GAREM1: variants seen among roughly 807,000 people sequenced by gnomAD.
GAREM1 encodes the protein GRB2-associated and regulator of MAPK protein 1.
GAREM1 carries 26 observed loss-of-function variants against 71.3 expected under a neutral mutation model. The observed-to-expected ratio is 0.36, with a 90% CI of 0.27 to 0.51. The LOEUF is 0.51. GAREM1 is among the 20% of genes least tolerant of loss of function. The pLI is 0.95. For synonymous variants in GAREM1, 440 were observed against 433.2 expected (o/e 1.02, Z -0.20); for missense variants, 1,026 against 1,103.1 (o/e 0.93, Z 0.99).
At chr18:32,315,495 A>G (rs2047369491) in intron 2 of GAREM1, among the ~76,000 whole-genome samples, 1 of 147,576 alleles carries the variant, frequency 6.8e-6, no homozygotes, top group Non-Finnish European at 1.5e-5. Context: ...TATATAAAAT[A>G]TATAAAAAAG....
At chr18:32,388,015 T>TAGGA (rs2048164716) in intron 2 of GAREM1, among the ~76,000 whole-genome samples, 1 of 152,242 alleles carries the variant, frequency 6.6e-6, no homozygotes, top group Admixed American at 6.5e-5. Flanking sequence ...TAGGAGAGTG[T>TAGGA]AGGAGCCTTG....
chr18:32,463,787 T>C (rs1163221407), intron 1 of GAREM1, among the ~76,000 whole-genome samples: 1 of 151,858 alleles, frequency 6.6e-6, no homozygotes, highest in African/African-American at 2.4e-5. Flanking sequence ...GCCTGGATGA[T>C]CTTGATCTCC....
At chr18:32,339,079 G>A (rs965507084) in intron 2 of GAREM1, among the ~76,000 whole-genome samples, 17 of 152,134 alleles carry the variant, frequency 1.1e-4, no homozygotes, top group African/African-American at 4.1e-4. Context: ...ATAACTGTGT[G>A]AACCAATTCC....
chr18:32,280,948 A>G (rs2046945273), intron 4 of GAREM1, among the ~76,000 whole-genome samples: 1 of 152,192 alleles, frequency 6.6e-6, no homozygotes, highest in African/African-American at 2.4e-5. Flanking sequence ...TTAGTCAAGG[A>G]AAGACAGTGG....
At chr18:32,461,170 T>C (rs1359204483) in intron 1 of GAREM1, among the ~76,000 whole-genome samples, 5 of 152,208 alleles carry the variant, frequency 3.3e-5, no homozygotes, top group East Asian at 1.9e-4. Flanking sequence ...TACACTGCTG[T>C]AGTAATATAG....
rs1260540568 is a variant in GAREM1, at chr18:32,267,231, C to A, written c.*640G>T. On this transcript the variant is annotated 3_prime_UTR_variant, in exon 6 of 6. Coordinates refer to ENST00000269209, the MANE Select transcript of GAREM1 (RefSeq NM_001242409.2). ...TTTTTTCTCTGCTCAATAAAATTAGCAGCAGTTACAGATAAATTATTGTGG... is the reference window on the plus strand; with the variant it reads ...TTTTTTCTCTGCTCAATAAAATTAGAAGCAGTTACAGATAAATTATTGTGG... 1 of 152,172 alleles carries A rather than the reference C, an allele frequency of 6.6e-6. No homozygotes were observed. Among genetic ancestry groups the A allele is most frequent in the African/African-American group, 2.4e-5 (1 of 41,430 alleles). The allele number at this position is 152,172 out of a possible 1,614,324, so 9.4% of individuals were successfully genotyped here.
intron 1 of GAREM1, among the ~76,000 whole-genome samples, chr18:32,419,490 G>A (rs1157294941): frequency 2.0e-5 from 3 of 152,080 alleles, no homozygotes; most frequent in Non-Finnish European, 2.9e-5. Flanking sequence ...CAAGGAGGTT[G>A]GCAGCCTCCA....
At chr18:32,348,526 C>T (rs2047717636) in intron 2 of GAREM1, among the ~76,000 whole-genome samples, 1 of 151,932 alleles carries the variant, frequency 6.6e-6, no homozygotes, top group Non-Finnish European at 1.5e-5. Flanking sequence ...GAGTTCGAGA[C>T]CAGCCTGGCC....
chr18:32,365,718 C>T (rs968537757), intron 2 of GAREM1, among the ~76,000 whole-genome samples: 1 of 152,142 alleles, frequency 6.6e-6, no homozygotes, highest in African/African-American at 2.4e-5. Context: ...TCCAACTCTG[C>T]CACCAGCACT....
intron 2 of GAREM1, among the ~76,000 whole-genome samples, chr18:32,362,928 T>C (rs528163287): frequency 3.9e-5 from 6 of 152,208 alleles, no homozygotes; most frequent in Non-Finnish European, 8.8e-5. Flanking sequence ...AGGCTGCTCT[T>C]CCAAGGAATC....
At chr18:32,448,393 T>C (rs1006953972) in intron 1 of GAREM1, among the ~76,000 whole-genome samples, 1 of 152,184 alleles carries the variant, frequency 6.6e-6, no homozygotes, top group Non-Finnish European at 1.5e-5. Context: ...TGTGACCACA[T>C]CCCCGATCAT....
intron 3 of GAREM1, among the ~76,000 whole-genome samples, chr18:32,307,109 A>C (rs2047263622): frequency 6.6e-6 from 1 of 152,226 alleles, no homozygotes; most frequent in South Asian, 2.1e-4. Flanking sequence ...CCAGAACTAG[A>C]GTTCCCCTTT....
At chr18:32,380,876 T>C (rs996724313) in intron 2 of GAREM1, among the ~76,000 whole-genome samples, 2 of 152,082 alleles carry the variant, frequency 1.3e-5, no homozygotes, top group Non-Finnish European at 2.9e-5. Flanking sequence ...ACAAATTCCT[T>C]AATAGATGTT....
At chr18:32,270,702 C>T (rs192835867) in intron 4 of GAREM1, among the ~76,000 whole-genome samples, 16 of 152,104 alleles carry the variant, frequency 1.1e-4, no homozygotes, top group African/African-American at 3.9e-4. Context: ...GAGCTAGTGA[C>T]ATGTGAGGAT....
At chr18:32,444,339 CTCAGAGTTAAGG>C (rs2048767645) in intron 1 of GAREM1, among the ~76,000 whole-genome samples, 1 of 152,112 alleles carries the variant, frequency 6.6e-6, no homozygotes, top group Non-Finnish European at 1.5e-5. Context: ...ATAGCATGGG[CTCAGAGTTAAGG>C]GGCTCAAGTC....
At chr18:32,304,076 G>A (rs1296786679) in intron 3 of GAREM1, among the ~76,000 whole-genome samples, 2 of 152,098 alleles carry the variant, frequency 1.3e-5, no homozygotes, top group Admixed American at 6.5e-5. Flanking sequence ...GGAGGCCGAG[G>A]AGGGTGGATC....
chr18:32,280,309 G>A lies in GAREM1; in HGVS notation c.1566+6722C>T, dbSNP rs545537376. On this transcript the variant is annotated intron_variant, in intron 4 of 5. Transcript: ENST00000269209. Reference sequence around the variant, plus strand: ...ATATTTTATGGCACTTTCTTAACTTGGGCAGTCACGTGAGGCCCCTAATTC... The same window carrying A: ...ATATTTTATGGCACTTTCTTAACTTAGGCAGTCACGTGAGGCCCCTAATTC... 1.8e-4 allele frequency among the ~76,000 whole-genome samples: 27 copies of A among 152,250 alleles called. 1 individual carries two copies. In the South Asian group the frequency reaches 4.6e-3, roughly 26 times the overall value.
At chr18:32,361,793 G>T (rs1316268074) in intron 2 of GAREM1, among the ~76,000 whole-genome samples, 1 of 151,988 alleles carries the variant, frequency 6.6e-6, no homozygotes, top group Non-Finnish European at 1.5e-5. Flanking sequence ...ACATCAAGAG[G>T]GTTAAACTGA....
At position 32,271,391 on chromosome 18, in the gene GAREM1, C is replaced by T. The variant is rs142371098; in HGVS notation, c.1567-1008G>A. Among the ~76,000 whole-genome samples the T allele has an allele frequency of 5.4e-3, 815 of 152,136 alleles. 6 individuals are homozygous for T. The highest frequency in any genetic ancestry group is 0.018 in the African/African-American group (764 of 41,488). Reference sequence around the variant, plus strand: ...TATTTTTAGTAGAGTCGGGGTTTGACGATGTTGGCCAGGCTGGTCTTGAAC... The same window carrying T: ...TATTTTTAGTAGAGTCGGGGTTTGATGATGTTGGCCAGGCTGGTCTTGAAC... On this transcript the variant is annotated intron_variant, in intron 4 of 5. Transcript: ENST00000269209.
Sources: gnomAD v4.1 joint callset for allele counts (sites outside exome capture counted in the v4.1 genomes callset) on GRCh38, gnomAD v4.1.1 for gene constraint, MANE v1.5 for transcripts, NCBI Gene and HGNC (gene_info 2026-07-23, HGNC 2026-07-21) for gene names.